CHRDL1: variants seen among roughly 807,000 people sequenced by gnomAD.
The protein encoded by CHRDL1 is chordin-like protein 1.
CHRDL1 carries 19 observed loss-of-function variants against 40.9 expected under a neutral mutation model. The observed-to-expected ratio is 0.46, with a 90% CI of 0.32 to 0.68. The LOEUF (loss-of-function observed/expected upper bound fraction) is 0.68, where lower values mean the gene tolerates loss of function less well. CHRDL1 is among the 30% of genes least tolerant of loss of function. The pLI is 0.03. For synonymous variants in CHRDL1, 136 were observed against 123.4 expected (o/e 1.10, Z -0.68); for missense variants, 329 against 352.1 (o/e 0.93, Z 0.53).
intron 2 of CHRDL1, among the ~76,000 whole-genome samples, chrX:110,785,071 C>T: frequency 8.9e-6 from 1 of 112,205 alleles, no homozygotes. Flanking sequence ...CCTATCAGCA[C>T]TTTAGCGGTG....
chrX:110,768,686 C>T (rs2089704060), intron 2 of CHRDL1, among the ~76,000 whole-genome samples: 1 of 110,916 alleles, frequency 9.0e-6, no homozygotes, highest in Admixed American at 9.6e-5. Flanking sequence ...GACACTTGGA[C>T]TTATACCAGT....
intron 7 of CHRDL1, among the ~76,000 whole-genome samples, chrX:110,695,394 A>G (rs1309692281): frequency 1.8e-5 from 2 of 110,893 alleles, no homozygotes; most frequent in Non-Finnish European, 3.8e-5. Flanking sequence ...AGAAAAGCTT[A>G]GAGTCTTGTC....
chrX:110,781,747 T>A (rs144329957), intron 2 of CHRDL1, among the ~76,000 whole-genome samples: 3 of 111,892 alleles, frequency 2.7e-5, no homozygotes, highest in African/African-American at 9.7e-5. Flanking sequence ...CTGTTTAAGA[T>A]TCTGACTTGC....
At chrX:110,739,661 G>A (rs754497970) in intron 4 of CHRDL1, among the ~76,000 whole-genome samples, 1 of 112,320 alleles carries the variant, frequency 8.9e-6, no homozygotes, top group African/African-American at 3.2e-5. Flanking sequence ...TTTGGGGATT[G>A]TTAGAGCAAT....
intron 4 of CHRDL1, among the ~76,000 whole-genome samples, chrX:110,732,413 AG>A (rs1278900781): frequency 8.9e-6 from 1 of 111,968 alleles, no homozygotes; most frequent in Non-Finnish European, 1.9e-5. Context: ...CAGATTCAAC[AG>A]ATCACTCTGC....
At chrX:110,751,000 C>CAGTTCTCTTGACCTCCTTTCTCAA (rs1207242542) in intron 4 of CHRDL1, among the ~76,000 whole-genome samples, 3 of 111,615 alleles carry the variant, frequency 2.7e-5, no homozygotes, top group Non-Finnish European at 3.8e-5. Context: ...TTTCTGTGGG[C>CAGTTCTCTTGACCTCCTTTCTCAA]AGTTCTCTTG....
At chrX:110,725,820 T>G (rs1240572344) in intron 4 of CHRDL1, among the ~76,000 whole-genome samples, 1 of 112,071 alleles carries the variant, frequency 8.9e-6, no homozygotes, top group Non-Finnish European at 1.9e-5. Context: ...ACTTTTCTTC[T>G]GATGGCTGAG....
Sources: gnomAD v4.1 joint callset for allele counts (sites outside exome capture counted in the v4.1 genomes callset) on GRCh38, gnomAD v4.1.1 for gene constraint, MANE v1.5 for transcripts, NCBI Gene and HGNC (gene_info 2026-07-23, HGNC 2026-07-21) for gene names.